The following ATRNL1 variants were observed in gnomAD, a reference collection of about 807,000 sequenced individuals.
ATRNL1 encodes attractin-like protein 1.
ATRNL1 carries 95 observed loss-of-function variants against 182.7 expected under a neutral mutation model. The ratio of observed to expected loss-of-function variants is 0.52; its 90% CI spans 0.44 to 0.62. The LOEUF is 0.62. Among genes scored for constraint, ATRNL1 ranks in the 20% least tolerant of loss-of-function variants. The pLI, the probability that ATRNL1 is intolerant of heterozygous loss-of-function variation, is 0.00. For synonymous variants in ATRNL1, 576 were observed against 568.3 expected (o/e 1.01, Z -0.19); for missense variants, 1,471 against 1,679.5 (o/e 0.88, Z 2.17).
chr10:115,354,685 T>C (rs183391664), intron 19 of ATRNL1, among the ~76,000 whole-genome samples: 13 of 152,254 alleles, frequency 8.5e-5, no homozygotes, highest in African/African-American at 3.1e-4. Context: ...CAGTTGAATC[T>C]TCTTGATGTT....
rs910793830 is a variant in ATRNL1, at chr10:115,946,078, G to T, written c.*1299G>T. On this transcript the variant is annotated 3_prime_UTR_variant, in exon 29 of 29. Transcript: ENST00000355044. ...GCATTAACAGATATAGTTTGGAATT[G>T]CAGTTTCCTCACTTCAGGGTGACAA... is the stretch of plus-strand genomic sequence containing the variant. 2.6e-5 allele frequency: 4 copies of T among 152,214 alleles called. No individual in the cohort carries two copies. Among genetic ancestry groups the T allele is most frequent in the African/African-American group, 9.6e-5 (4 of 41,452 alleles). The allele number at this position is 152,214 out of a possible 1,614,324, so 9.4% of individuals were successfully genotyped here. A position where few individuals can be genotyped will look rare whatever the true frequency, so the allele number is the denominator to read the frequency against.
intron 19 of ATRNL1, among the ~76,000 whole-genome samples, chr10:115,343,249 C>T (rs1438698177): frequency 3.9e-5 from 6 of 152,066 alleles, no homozygotes; most frequent in Admixed American, 1.3e-4. Context: ...TTTAAGACCA[C>T]GAACTCTTAG....
chr10:115,254,104 A>G (rs1851008224), intron 10 of ATRNL1, among the ~76,000 whole-genome samples: 1 of 152,286 alleles, frequency 6.6e-6, no homozygotes, highest in African/African-American at 2.4e-5. Context: ...ATATGTGTGC[A>G]TGTGTCTTTA....
intron 26 of ATRNL1, among the ~76,000 whole-genome samples, chr10:115,607,272 A>G (rs1470755015): frequency 6.6e-6 from 1 of 151,942 alleles, no homozygotes; most frequent in Non-Finnish European, 1.5e-5. Flanking sequence ...TAAATAAAAC[A>G]GCATTTAGTT....
chr10:115,218,298 A>G (rs1189383175), intron 9 of ATRNL1, among the ~76,000 whole-genome samples: 7 of 152,140 alleles, frequency 4.6e-5, no homozygotes, highest in African/African-American at 1.7e-4. Flanking sequence ...CCACGAAGAC[A>G]GGATGCTGGA....
At chr10:115,168,357 C>G (rs1010972178) in intron 7 of ATRNL1, among the ~76,000 whole-genome samples, 1 of 152,046 alleles carries the variant, frequency 6.6e-6, no homozygotes, top group African/African-American at 2.4e-5. Flanking sequence ...GGTGGACTTA[C>G]TGGGTCAAAT....
At chr10:115,452,654 A>AT (rs1251139642) in intron 21 of ATRNL1, among the ~76,000 whole-genome samples, 1 of 152,186 alleles carries the variant, frequency 6.6e-6, no homozygotes, top group Admixed American at 6.6e-5. Context: ...GACTATAAAT[A>AT]TATCCATCCA....
In ATRNL1 at chr10:115,200,998, AT is replaced by A. The variant is rs1592249056; in HGVS notation, c.1349-14698del. On this transcript the variant is annotated intron_variant, in intron 8 of 28. Coordinates refer to ENST00000355044, the MANE Select transcript of ATRNL1 (RefSeq NM_207303.4). ...GGCCAGTGATGATGAGCATTTTTTC[AT>A]GTGTCTTTTGGCTGCATAAATGTCT... Among the ~76,000 whole-genome samples, 3 of 149,120 alleles carry A rather than the reference AT, an allele frequency of 2.0e-5. No homozygotes were observed. In the East Asian group the frequency reaches 5.9e-4, roughly 29 times the overall value.
intron 28 of ATRNL1, among the ~76,000 whole-genome samples, chr10:115,938,713 A>T (rs1953637319): frequency 6.6e-6 from 1 of 152,224 alleles, no homozygotes; most frequent in East Asian, 1.9e-4. Flanking sequence ...ACATGAATGG[A>T]ACTGGAGCAT....
Position 115,387,173 on chromosome 10 carries a change from G to T in ATRNL1, c.3176-7486G>T, listed in dbSNP as rs1019217097. Among the ~76,000 whole-genome samples, 3 of 151,962 alleles carry T rather than the reference G, an allele frequency of 2.0e-5. No individual in the cohort carries two copies. In the East Asian group the frequency reaches 5.8e-4, roughly 30 times the overall value. ...AAATCATCATTCTCAGTAAACTATC[G>T]CAAGGACAAAAGGTTAGTCTTAAGA... On this transcript the variant is annotated intron_variant, in intron 19 of 28. Coordinates refer to ENST00000355044, the MANE Select transcript of ATRNL1 (RefSeq NM_207303.4).
chr10:115,372,991 A>G (rs902744106), intron 19 of ATRNL1, among the ~76,000 whole-genome samples: 1 of 152,264 alleles, frequency 6.6e-6, no homozygotes. Context: ...GAATTCTTTT[A>G]GTCCATGAAT....
chr10:115,762,191 G>T (rs1323747954), intron 27 of ATRNL1, among the ~76,000 whole-genome samples: 1 of 152,098 alleles, frequency 6.6e-6, no homozygotes, highest in Admixed American at 6.6e-5. Context: ...TTGGAAAAAG[G>T]AATTCAAAAC....
chr10:115,234,737 G>T (rs897736151), intron 9 of ATRNL1, among the ~76,000 whole-genome samples: 2 of 151,504 alleles, frequency 1.3e-5, no homozygotes, highest in African/African-American at 4.8e-5. Context: ...ACCCCAGATG[G>T]GTGCCAGCAG....
At chr10:115,257,191 A>C (rs1851184292) in intron 10 of ATRNL1, among the ~76,000 whole-genome samples, 2 of 151,312 alleles carry the variant, frequency 1.3e-5, no homozygotes, top group Admixed American at 1.3e-4. Flanking sequence ...ATCCTTGTTA[A>C]CCTCTCTCAT....
At chr10:115,700,302 G>C (rs10736242) in intron 26 of ATRNL1, among the ~76,000 whole-genome samples, 57,328 of 151,910 alleles carry the variant, frequency 0.38, 11,748 homozygotes, top group East Asian at 0.65. Context: ...TACACTCCCA[G>C]CAACACTGTG....
chr10:115,328,863 T>C (rs1386296239), intron 18 of ATRNL1, among the ~76,000 whole-genome samples: 1 of 152,136 alleles, frequency 6.6e-6, no homozygotes. Flanking sequence ...CATTCATCCA[T>C]GTTTGGTATT....
chr10:115,636,854 A>C (rs1214708194), intron 26 of ATRNL1, among the ~76,000 whole-genome samples: 2 of 152,216 alleles, frequency 1.3e-5, no homozygotes, highest in African/African-American at 2.4e-5. Context: ...ATATCCATAC[A>C]GTGGAATATT....
intron 27 of ATRNL1, among the ~76,000 whole-genome samples, chr10:115,743,953 T>C (rs982989107): frequency 1.3e-5 from 2 of 151,962 alleles, no homozygotes; most frequent in African/African-American, 2.4e-5. Context: ...TCTACACATA[T>C]GTTTTTATTC....
chr10:115,642,058 C>G (rs1859283756), intron 26 of ATRNL1, among the ~76,000 whole-genome samples: 1 of 151,888 alleles, frequency 6.6e-6, no homozygotes, highest in South Asian at 2.1e-4. Flanking sequence ...ATATGTGAAC[C>G]TAGAGATTTT....
Sources: allele counts gnomAD v4.1 joint callset (sites outside exome capture counted in the v4.1 genomes callset), GRCh38; gene constraint gnomAD v4.1.1; transcripts MANE v1.5; gene names NCBI Gene and HGNC (gene_info 2026-07-23, HGNC 2026-07-21).